SLC25A21: variants seen among roughly 807,000 people sequenced by gnomAD.
SLC25A21 encodes the protein solute carrier family 25 member 21, also known as mitochondrial 2-oxodicarboxylate carrier.
In SLC25A21, 47 loss-of-function variants were observed where a neutral mutation model predicts 43.8. The observed-to-expected ratio is 1.07, with a 90% CI of 0.85 to 1.37. The LOEUF is 1.37. Among genes scored for constraint, SLC25A21 ranks in the 40% most tolerant of loss-of-function variants. The pLI, the probability that SLC25A21 is intolerant of heterozygous loss-of-function variation, is 0.00. For synonymous variants in SLC25A21, 131 were observed against 121.3 expected (o/e 1.08, Z -0.52); for missense variants, 352 against 350.2 (o/e 1.00, Z -0.04).
Position 37,129,433 on chromosome 14 carries a change from T to A in SLC25A21, c.70+42848A>T, listed in dbSNP as rs531266108. Among the ~76,000 whole-genome samples the A allele has an allele frequency of 5.9e-5, 9 of 152,174 alleles. No homozygotes were observed. In the East Asian group the frequency reaches 1.5e-3, roughly 26 times the overall value. On this transcript the variant is annotated intron_variant, in intron 1 of 9. Coordinates refer to ENST00000331299, the MANE Select transcript of SLC25A21 (RefSeq NM_030631.4). ...GGTGAGAAAATGGAAAACATGATGT[T>A]CCCCCTTCAGCAATGATCCCGATTT...
Position 36,816,722 on chromosome 14 carries a change from TG to T in SLC25A21, c.120-2722del, listed in dbSNP as rs539634984. 2.0e-4 allele frequency among the ~76,000 whole-genome samples: 31 copies of T among 152,214 alleles called. 1 individual carries two copies. The highest frequency in any genetic ancestry group is 7.5e-4 in the African/African-American group (31 of 41,542). On this transcript the variant is annotated intron_variant, in intron 2 of 9. Transcript: ENST00000331299. ...TCTCCCCTTCTTGCCCAGGCTGGTA[TG>T]GAACTTCTGGGCTCAAGCAATCCTC...
intron 2 of SLC25A21, among the ~76,000 whole-genome samples, chr14:36,825,178 G>C (rs548755935): frequency 2.6e-5 from 4 of 152,118 alleles, no homozygotes; most frequent in Non-Finnish European, 5.9e-5. Flanking sequence ...AAGTGTTTAA[G>C]TGCGTACTGA....
intron 1 of SLC25A21, among the ~76,000 whole-genome samples, chr14:37,118,949 A>G (rs1195004107): frequency 1.3e-5 from 2 of 152,168 alleles, no homozygotes; most frequent in Non-Finnish European, 2.9e-5. Context: ...AGCTTAGCAC[A>G]AGATACAAGT....
At chr14:36,706,128 AC>A (rs932652935) in intron 7 of SLC25A21, among the ~76,000 whole-genome samples, 42 of 152,126 alleles carry the variant, frequency 2.8e-4, no homozygotes, top group African/African-American at 9.4e-4. Flanking sequence ...CAAAACACCC[AC>A]CAGTGTTCAT....
intron 7 of SLC25A21, among the ~76,000 whole-genome samples, chr14:36,708,644 C>G (rs1038344732): frequency 1.3e-5 from 2 of 152,094 alleles, no homozygotes; most frequent in African/African-American, 4.8e-5. Context: ...ACTAAGTTGC[C>G]CAGGCTGGTC....
chr14:37,016,183 G>A (rs1180228895), intron 1 of SLC25A21, among the ~76,000 whole-genome samples: 69 of 152,180 alleles, frequency 4.5e-4, no homozygotes, highest in South Asian at 3.3e-3. Context: ...TAGGTCTAAC[G>A]TTTAAGTCTT....
At chr14:36,809,597 T>G (rs1286761027) in intron 3 of SLC25A21, among the ~76,000 whole-genome samples, 1 of 152,188 alleles carries the variant, frequency 6.6e-6, no homozygotes, top group Non-Finnish European at 1.5e-5. Flanking sequence ...AAGTGAATTC[T>G]GAGCAGAGAG....
intron 1 of SLC25A21, among the ~76,000 whole-genome samples, chr14:37,143,113 G>C (rs1417998283): frequency 2.0e-5 from 3 of 152,170 alleles, no homozygotes; most frequent in Non-Finnish European, 4.4e-5. Context: ...TGAAAAAACA[G>C]TTTGCCTGTT....
intron 3 of SLC25A21, among the ~76,000 whole-genome samples, chr14:36,807,432 G>A (rs111981931): frequency 6.6e-6 from 1 of 152,172 alleles, no homozygotes; most frequent in Admixed American, 6.5e-5. Flanking sequence ...TGGAAGTTTA[G>A]GAGGAGGATG....
chr14:36,955,187 T>C (rs1460586947), intron 1 of SLC25A21, among the ~76,000 whole-genome samples: 4 of 152,106 alleles, frequency 2.6e-5, no homozygotes, highest in Admixed American at 6.6e-5. Context: ...AAACTAAAAA[T>C]AACTAAAGAT....
chr14:36,837,437 C>T (rs1056248277), intron 2 of SLC25A21, among the ~76,000 whole-genome samples: 2 of 151,930 alleles, frequency 1.3e-5, no homozygotes, highest in African/African-American at 4.8e-5. Context: ...GAAGGGGCTG[C>T]GTTTAGGGTC....
intron 2 of SLC25A21, among the ~76,000 whole-genome samples, chr14:36,824,297 A>C (rs1888740928): frequency 1.3e-5 from 2 of 152,148 alleles, no homozygotes; most frequent in South Asian, 4.1e-4. Context: ...ATAAGGAAGA[A>C]AATATGCTTA....
At chr14:36,878,510 G>A (rs1890612457) in intron 1 of SLC25A21, among the ~76,000 whole-genome samples, 1 of 152,100 alleles carries the variant, frequency 6.6e-6, no homozygotes, top group Non-Finnish European at 1.5e-5. Flanking sequence ...TAAAGACTGT[G>A]AGACCCTGAT....
At chr14:36,690,100 C>T (rs946072476) in intron 7 of SLC25A21, among the ~76,000 whole-genome samples, 2 of 152,146 alleles carry the variant, frequency 1.3e-5, no homozygotes, top group Admixed American at 6.5e-5. Context: ...CTGAGTGATA[C>T]CTATCTCATA....
At position 36,735,930 on chromosome 14, in the gene SLC25A21, A is replaced by ATTTTTTTT. The variant is rs776933723; in HGVS notation, c.204-1365_204-1358dup. On this transcript the variant is annotated intron_variant, in intron 3 of 9. Coordinates refer to ENST00000331299, the MANE Select transcript of SLC25A21 (RefSeq NM_030631.4). The stretch of plus-strand genomic sequence containing the variant: ...CTGATATGGGCTTATTCTGGCCACA[A>ATTTTTTTT]TTTTTTTTTTTTTTTTTTTTTTTTG... Among the ~76,000 whole-genome samples, 198 of 84,298 alleles carry ATTTTTTTT rather than the reference A, an allele frequency of 2.3e-3. 7 individuals carry two copies. Among genetic ancestry groups the ATTTTTTTT allele is most frequent in the Non-Finnish European group, 3.2e-3 (150 of 47,470 alleles). 55.3% of individuals were successfully genotyped at this position (84,298 alleles called of 152,430 possible).
At chr14:36,809,624 C>A (rs904740020) in intron 3 of SLC25A21, among the ~76,000 whole-genome samples, 1 of 152,180 alleles carries the variant, frequency 6.6e-6, no homozygotes, top group Non-Finnish European at 1.5e-5. Context: ...AATTGCATCT[C>A]TAAGAATGGT....
intron 1 of SLC25A21, among the ~76,000 whole-genome samples, chr14:37,041,613 T>C (rs1192750036): frequency 6.6e-6 from 1 of 152,206 alleles, no homozygotes; most frequent in African/African-American, 2.4e-5. Context: ...CAGAACTTTC[T>C]AATATTTAAC....
chr14:37,055,250 A>C (rs998860749), intron 1 of SLC25A21, among the ~76,000 whole-genome samples: 2 of 152,236 alleles, frequency 1.3e-5, no homozygotes, highest in Non-Finnish European at 2.9e-5. Flanking sequence ...GAATTGATTT[A>C]ATTAATGACT....
At chr14:36,867,969 T>C (rs562369160) in intron 2 of SLC25A21, among the ~76,000 whole-genome samples, 1 of 151,852 alleles carries the variant, frequency 6.6e-6, no homozygotes, top group Non-Finnish European at 1.5e-5. Context: ...AGCCCAACTC[T>C]AGAGCCAAAG....
Sources: allele counts gnomAD v4.1 joint callset (sites outside exome capture counted in the v4.1 genomes callset), GRCh38; gene constraint gnomAD v4.1.1; transcripts MANE v1.5; gene names NCBI Gene and HGNC (gene_info 2026-07-23, HGNC 2026-07-21).